Variants in TMEM165 observed in about 807,000 individuals in gnomAD.
TMEM165 encodes the protein transmembrane protein 165, also known as putative divalent cation/proton antiporter TMEM165.
Under a neutral mutation model 30.0 loss-of-function variants are expected in TMEM165, and 19 were observed. That is an observed-to-expected ratio of 0.63 (90% CI 0.44 to 0.93). TMEM165 has a LOEUF of 0.93. Ranked by LOEUF, TMEM165 falls within the 40% of genes least tolerant of loss-of-function variation. TMEM165 has a pLI of 0.00. For missense variants in TMEM165, 340 were observed against 417.0 expected, an observed-to-expected ratio of 0.82 and a Z score of 1.61; for synonymous variants, 168 against 162.9, an observed-to-expected ratio of 1.03 and a Z score of -0.24.
At chr4:55,407,962 G>A (rs1032859147) in intron 1 of TMEM165, among the ~76,000 whole-genome samples, 1 of 152,014 alleles carries the variant, frequency 6.6e-6, no homozygotes, top group Non-Finnish European at 1.5e-5. Context: ...CCAAGGTCAC[G>A]CCGTAACTGA....
chr4:55,420,106 A>AAAAATAT (rs1474254120), intron 4 of TMEM165, among the ~76,000 whole-genome samples: 1 of 45,456 alleles, frequency 2.2e-5, no homozygotes, highest in African/African-American at 8.2e-5. Flanking sequence ...AAGAAAAAAA[A>AAAAATAT]ATATATATAT....
intron 2 of TMEM165, among the ~76,000 whole-genome samples, chr4:55,414,360 A>G (rs1578238276): frequency 6.6e-6 from 1 of 151,216 alleles, no homozygotes; most frequent in South Asian, 2.1e-4. Context: ...TCTTTATATT[A>G]TTTTGCCTCA....
intron 1 of TMEM165, among the ~76,000 whole-genome samples, chr4:55,399,679 C>T (rs1720871768): frequency 2.0e-5 from 3 of 152,038 alleles, no homozygotes; most frequent in Admixed American, 2.0e-4. Flanking sequence ...GAAACAGTGT[C>T]CAGTAAACAT....
intron 2 of TMEM165, chr4:55,415,921 C>T (rs1000908040): frequency 3.3e-5 from 5 of 151,524 alleles, no homozygotes; most frequent in South Asian, 2.1e-4. Flanking sequence ...GTGGCATGAT[C>T]GCAGCTCACT....
chr4:55,443,391 C>T (rs1011541201), intron 3 of TMEM165, among the ~76,000 whole-genome samples: 8 of 150,996 alleles, frequency 5.3e-5, no homozygotes, highest in African/African-American at 1.7e-4. Context: ...AGGAGAATCG[C>T]TTCAACCCAG....
intron 3 of TMEM165, chr4:55,431,563 C>A (rs1560404234): frequency 6.8e-6 from 1 of 147,784 alleles, no homozygotes; most frequent in Non-Finnish European, 1.5e-5. Flanking sequence ...TAGAAAGACT[C>A]ACTCAGCAAC....
Position 55,443,950 on chromosome 4 carries a change from G to A in TMEM165, c.409-8289G>A, listed in dbSNP as rs988621787. 3.3e-6 allele frequency: 5 copies of A among 1,529,052 alleles called. No homozygotes were observed. In the African/African-American group the frequency reaches 4.1e-5, roughly 13 times the overall value. 94.7% of individuals were successfully genotyped at this position (1,529,052 alleles called of 1,614,324 possible). ...AGCTTTGTAGATTGAAAAGAAGAATGAGCATTAAAAAGAAGGCAAAATCAA... is the reference window on the plus strand; with the variant it reads ...AGCTTTGTAGATTGAAAAGAAGAATAAGCATTAAAAAGAAGGCAAAATCAA... On this transcript the variant is annotated intron_variant, in intron 3 of 3. Transcript: ENST00000608091.
chr4:55,420,116 TATATAC>T (rs1463010174), intron 4 of TMEM165, among the ~76,000 whole-genome samples: 453 of 40,876 alleles, frequency 0.011, 31 homozygotes, highest in African/African-American at 0.029. Context: ...AATATATATA[TATATAC>T]ATATATATTT....
downstream of TMEM165, among the ~76,000 whole-genome samples, chr4:55,426,789 A>G (rs1038348517): frequency 4.6e-5 from 7 of 152,222 alleles, no homozygotes; most frequent in East Asian, 1.9e-4. Flanking sequence ...ATTGTCCTAC[A>G]TGGTAACTCT....
At chr4:55,400,338 T>C (rs1720937385) in intron 1 of TMEM165, among the ~76,000 whole-genome samples, 1 of 95,656 alleles carries the variant, frequency 1.0e-5, no homozygotes, top group South Asian at 2.9e-4. Context: ...TATAATATAA[T>C]ATTAATTATA....
At chr4:55,444,314 A>C (rs963798825) in intron 3 of TMEM165, among the ~76,000 whole-genome samples, 1 of 152,222 alleles carries the variant, frequency 6.6e-6, no homozygotes, top group Non-Finnish European at 1.5e-5. Context: ...TGATTGATTT[A>C]TAAATTCTGT....
At chr4:55,434,780 A>C (rs1722750575) in intron 3 of TMEM165, 1 of 155,542 alleles carries the variant, frequency 6.4e-6, no homozygotes, top group Non-Finnish European at 1.4e-5. Context: ...AGGTGCTCAC[A>C]CCTGTAAGGA....
At chr4:55,449,262 G>T in intron 3 of TMEM165, 2 of 764,656 alleles carry the variant, frequency 2.6e-6, no homozygotes, top group South Asian at 3.2e-5. Flanking sequence ...GAAGTCTTAA[G>T]TAAGTGTCAC....
At chr4:55,403,407 CT>C (rs1721118967) in intron 1 of TMEM165, 3 of 778,526 alleles carry the variant, frequency 3.9e-6, no homozygotes, top group Admixed American at 1.0e-4. Context: ...AAAGGAATTA[CT>C]TTTTTCTTTG....
intron 1 of TMEM165, among the ~76,000 whole-genome samples, chr4:55,406,724 A>AT (rs970187310): frequency 6.6e-6 from 1 of 151,922 alleles, no homozygotes; most frequent in African/African-American, 2.4e-5. Flanking sequence ...CAGTGATGTC[A>AT]TCTCTGCTCA....
chr4:55,442,062 T>G (rs762168631), intron 3 of TMEM165, among the ~76,000 whole-genome samples: 4 of 152,140 alleles, frequency 2.6e-5, no homozygotes, highest in Non-Finnish European at 5.9e-5. Context: ...TTAACAAACT[T>G]AAAAAAGGTA....
chr4:55,434,600 A>C (rs1722740647), intron 3 of TMEM165: 1 of 152,486 alleles, frequency 6.6e-6, no homozygotes, highest in African/African-American at 2.4e-5. Flanking sequence ...CTGAAAAAAA[A>C]AATCCATTCC....
At chr4:55,433,656 A>G (rs1229641710) in intron 3 of TMEM165, 1 of 152,104 alleles carries the variant, frequency 6.6e-6, no homozygotes, top group Non-Finnish European at 1.5e-5. Context: ...AACATTTTTT[A>G]TATTCTAATA....
Position 55,396,043 on chromosome 4 carries a change from TG to T in TMEM165, c.-146del, listed in dbSNP as rs1274528369. 5.4e-6 allele frequency: 3 copies of T among 555,712 alleles called. No homozygotes were observed. In the African/African-American group the frequency reaches 6.0e-5, roughly 11 times the overall value. The allele number at this position is 555,712 out of a possible 1,614,324, so 34.4% of individuals were successfully genotyped here. A position where few individuals can be genotyped will look rare whatever the true frequency, so the allele number is the denominator to read the frequency against. On this transcript the variant is annotated 5_prime_UTR_variant, in exon 1 of 6. Coordinates refer to ENST00000381334, the MANE Select transcript of TMEM165 (RefSeq NM_018475.5). ...TGCCCCTCACCTCACTCCCGCTGCTTGCACCTCCCGGATGGTGCTGACTGCT... is the reference window on the plus strand; with the variant it reads ...TGCCCCTCACCTCACTCCCGCTGCTTCACCTCCCGGATGGTGCTGACTGCT...
Sources: gnomAD v4.1 joint callset for allele counts (sites outside exome capture counted in the v4.1 genomes callset) on GRCh38, gnomAD v4.1.1 for gene constraint, MANE v1.5 for transcripts, NCBI Gene and HGNC (gene_info 2026-07-23, HGNC 2026-07-21) for gene names.